Variants in IGF2BP2 observed in about 807,000 individuals in gnomAD.
IGF2BP2 encodes the protein insulin-like growth factor 2 mRNA-binding protein 2.
In IGF2BP2, 17 loss-of-function variants were observed where a neutral mutation model predicts 75.8. That is an observed-to-expected ratio of 0.22 (90% CI 0.15 to 0.34). The LOEUF (loss-of-function observed/expected upper bound fraction) is 0.34. IGF2BP2 is among the 10% of genes least tolerant of loss of function. IGF2BP2 has a pLI of 1.00. For missense variants in IGF2BP2, 516 were observed against 772.4 expected, an observed-to-expected ratio of 0.67 and a Z score of 3.93; for synonymous variants, 288 against 295.6, an observed-to-expected ratio of 0.97 and a Z score of 0.26.
chr3:185,820,218 AT>A (rs1741166740), intron 2 of IGF2BP2, among the ~76,000 whole-genome samples: 2 of 143,704 alleles, frequency 1.4e-5, no homozygotes, highest in Admixed American at 1.4e-4. Context: ...GTGTGTGTGT[AT>A]GTGTATATAT....
At chr3:185,799,432 C>T (rs1737882335) in intron 2 of IGF2BP2, among the ~76,000 whole-genome samples, 1 of 151,752 alleles carries the variant, frequency 6.6e-6, no homozygotes, top group Admixed American at 6.6e-5. Context: ...CCATCTCACG[C>T]CAGTTAGAAT....
At chr3:185,715,681 T>C (rs1026882247) in intron 2 of IGF2BP2, among the ~76,000 whole-genome samples, 1 of 152,114 alleles carries the variant, frequency 6.6e-6, no homozygotes, top group Non-Finnish European at 1.5e-5. Context: ...TTCATTCTTG[T>C]TGCCCAGGCT....
chr3:185,645,498 T>G lies in IGF2BP2; in HGVS notation c.*33A>C. The stretch of plus-strand genomic sequence containing the variant: ...CTGTCAGGTGTTGGAAGGGCTACAT[T>G]CATCCGTTGTTTTGCTGGTGCCTGT... On this transcript the variant is annotated 3_prime_UTR_variant, in exon 16 of 16. Transcript: ENST00000382199. This position sits in a 1 kb window ranked among gnomAD's most constrained non-coding sequence, Gnocchi z 4.9. 6.9e-7 allele frequency: 1 copy of G among 1,458,188 alleles called. No individual in the cohort carries two copies. The highest frequency in any genetic ancestry group is 9.6e-7 in the Non-Finnish European group (1 of 1,038,064). The allele number at this position is 1,458,188 out of a possible 1,614,324, so 90.3% of individuals were successfully genotyped here. A position where few individuals can be genotyped will look rare whatever the true frequency, so the allele number is the denominator to read the frequency against.
intron 2 of IGF2BP2, among the ~76,000 whole-genome samples, chr3:185,760,600 CTGTGGATTT>C (rs1474339393): frequency 6.6e-6 from 1 of 152,204 alleles, no homozygotes; most frequent in Non-Finnish European, 1.5e-5. Flanking sequence ...CTTTCTGCCT[CTGTGGATTT>C]TGCCTTTCCG....
At chr3:185,769,067 G>A (rs1733504325) in intron 2 of IGF2BP2, among the ~76,000 whole-genome samples, 2 of 152,044 alleles carry the variant, frequency 1.3e-5, no homozygotes, top group Non-Finnish European at 1.5e-5. Flanking sequence ...CCTGGGCGGG[G>A]CGCGGTGGTC....
At chr3:185,821,219 C>T in intron 2 of IGF2BP2, 2 of 1,141,102 alleles carry the variant, frequency 1.8e-6, no homozygotes, top group East Asian at 5.4e-5. Flanking sequence ...GATGTAACTC[C>T]TCTAGAGCAG....
At chr3:185,682,966 A>T (rs1009633313) in intron 7 of IGF2BP2, among the ~76,000 whole-genome samples, 2 of 152,206 alleles carry the variant, frequency 1.3e-5, no homozygotes, top group Non-Finnish European at 2.9e-5. Flanking sequence ...AATTGAAAAG[A>T]GGGTCTTGAA....
chr3:185,655,458 C>T (rs1715279676), intron 12 of IGF2BP2, among the ~76,000 whole-genome samples: 1 of 152,300 alleles, frequency 6.6e-6, no homozygotes, highest in Non-Finnish European at 1.5e-5. Context: ...TGGAAATTTC[C>T]TTCACAAATA....
chr3:185,790,473 T>C (rs1420301854), intron 2 of IGF2BP2, among the ~76,000 whole-genome samples: 5 of 152,222 alleles, frequency 3.3e-5, no homozygotes, highest in Non-Finnish European at 5.9e-5. Flanking sequence ...ACGTAAATTA[T>C]ACTAATCTAT....
chr3:185,808,232 T>C (rs757864067), intron 2 of IGF2BP2, among the ~76,000 whole-genome samples: 14 of 151,944 alleles, frequency 9.2e-5, no homozygotes, highest in Non-Finnish European at 7.4e-5. Context: ...TCCCAGGACT[T>C]TGGAAGGCCG....
intron 2 of IGF2BP2, among the ~76,000 whole-genome samples, chr3:185,742,231 C>T (rs560120088): frequency 9.1e-4 from 137 of 150,752 alleles, no homozygotes; most frequent in African/African-American, 3.1e-3. Context: ...CAGTGGCTCA[C>T]GCCTGTAATC....
At chr3:185,770,058 G>C (rs914359708) in intron 2 of IGF2BP2, among the ~76,000 whole-genome samples, 11 of 152,096 alleles carry the variant, frequency 7.2e-5, no homozygotes, top group Non-Finnish European at 1.5e-4. Context: ...AACCCAATAA[G>C]ATCTGGGAAC....
intron 7 of IGF2BP2, among the ~76,000 whole-genome samples, chr3:185,680,544 A>G (rs1720219172): frequency 6.6e-6 from 1 of 152,230 alleles, no homozygotes; most frequent in South Asian, 2.1e-4. Flanking sequence ...ATATTGATGC[A>G]AAAATCCTCA....
intron 2 of IGF2BP2, among the ~76,000 whole-genome samples, chr3:185,764,122 C>T (rs1732742873): frequency 6.6e-6 from 1 of 151,858 alleles, no homozygotes; most frequent in Admixed American, 6.6e-5. Flanking sequence ...AAAAATAACA[C>T]TTTTCTTAAA....
At chr3:185,692,897 C>A (rs559132113) in intron 4 of IGF2BP2, 135 bp from the exon 5 acceptor site, 1 of 699,414 alleles carries the variant, frequency 1.4e-6, no homozygotes, top group East Asian at 2.6e-5. Context: ...TGCATCTCTA[C>A]GTTTATTCAT....
chr3:185,774,047 G>C (rs559063566), intron 2 of IGF2BP2, among the ~76,000 whole-genome samples: 3 of 152,176 alleles, frequency 2.0e-5, no homozygotes, highest in South Asian at 4.1e-4. Flanking sequence ...GCTGCCTGCT[G>C]TTCTCTACCT....
intron 10 of IGF2BP2, among the ~76,000 whole-genome samples, chr3:185,658,752 A>C (rs1020297629): frequency 5.3e-5 from 8 of 152,216 alleles, no homozygotes; most frequent in African/African-American, 1.9e-4. Flanking sequence ...ATACACTCTT[A>C]ACCTGCCCTC....
At chr3:185,714,582 C>T (rs1168981455) in intron 2 of IGF2BP2, among the ~76,000 whole-genome samples, 1 of 152,160 alleles carries the variant, frequency 6.6e-6, no homozygotes, top group Non-Finnish European at 1.5e-5. Context: ...TTGATTTCTG[C>T]CCATCCATAG....
At chr3:185,703,773 A>AAAAG (rs1010436676) in intron 2 of IGF2BP2, among the ~76,000 whole-genome samples, 58 of 152,176 alleles carry the variant, frequency 3.8e-4, no homozygotes, top group African/African-American at 1.3e-3. Context: ...AAACTGTCTC[A>AAAAG]AAAGAAAGAA....
Sources: allele counts gnomAD v4.1 joint callset (sites outside exome capture counted in the v4.1 genomes callset), GRCh38; gene constraint gnomAD v4.1.1; non-coding constraint Gnocchi (gnomAD v3.1); transcripts MANE v1.5; gene names NCBI Gene and HGNC (gene_info 2026-07-23, HGNC 2026-07-21).